Variants in AGPAT5 observed in about 807,000 individuals in gnomAD.
AGPAT5 encodes the protein 1-acyl-sn-glycerol-3-phosphate acyltransferase epsilon.
Under a neutral mutation model 45.6 loss-of-function variants are expected in AGPAT5, and 46 were observed. The ratio of observed to expected loss-of-function variants is 1.01; its 90% CI spans 0.80 to 1.29. The LOEUF (loss-of-function observed/expected upper bound fraction) is 1.29. AGPAT5 is among the 50% of genes most tolerant of loss of function. The pLI is 0.00. For synonymous variants in AGPAT5, 272 were observed against 167.0 expected (o/e 1.63, Z -4.85); for missense variants, 673 against 450.7 (o/e 1.49, Z -4.47).
intron 6 of AGPAT5, among the ~76,000 whole-genome samples, chr8:6,749,373 T>G (rs1801578977): frequency 6.6e-6 from 1 of 152,230 alleles, no homozygotes; most frequent in South Asian, 2.1e-4. Flanking sequence ...GTTCTCATAA[T>G]TGTATATAAC....
At chr8:6,749,437 G>T (rs930798467) in intron 6 of AGPAT5, among the ~76,000 whole-genome samples, 7 of 152,206 alleles carry the variant, frequency 4.6e-5, no homozygotes, top group African/African-American at 1.7e-4. Flanking sequence ...AGATGTAAAT[G>T]TTTAGAATAT....
At chr8:6,723,200 C>T (rs1171231632) in intron 1 of AGPAT5, among the ~76,000 whole-genome samples, 3 of 152,132 alleles carry the variant, frequency 2.0e-5, no homozygotes, top group African/African-American at 4.8e-5. Context: ...TGTTAAAAAC[C>T]AGCTTGGTGC....
chr8:6,727,977 G>A (rs897809491), intron 2 of AGPAT5, among the ~76,000 whole-genome samples: 1 of 152,156 alleles, frequency 6.6e-6, no homozygotes, highest in African/African-American at 2.4e-5. Flanking sequence ...CTCATAGATG[G>A]CATTTAAAAG....
rs2059537 is a variant in AGPAT5 at position 6,711,501 on chromosome 8, T to C, written c.219+2614T>C. 5.9e-3 allele frequency among the ~76,000 whole-genome samples: 899 copies of C among 152,364 alleles called. 13 individuals are homozygous for C. The East Asian group carries it at 0.064, about 11-fold the overall frequency. ...TCTTTAGAATAAGTAATAAGAATTT[T>C]ATAAGCTTTTTTATATTTCACGTAA... On this transcript the variant is annotated intron_variant, in intron 1 of 7. Transcript: ENST00000285518.
At chr8:6,715,659 A>G (rs28665136) in intron 1 of AGPAT5, among the ~76,000 whole-genome samples, 3,311 of 152,256 alleles carry the variant, frequency 0.022, 122 homozygotes, top group African/African-American at 0.075. Context: ...ATGTGGTTAT[A>G]TTGGTTGAAA....
rs142454856 is a variant in AGPAT5, at chr8:6,741,748, C to T, written c.583C>T (p.Arg195Cys). Residue 195 changes from arginine to cysteine, a missense_variant, in exon 5 of 8, where the codon CGT becomes TGT. Arg to Cys is a radical substitution (Grantham distance 180). Transcript: ENST00000285518. ...LSASQAFAAQ[R>C]GLAVLKHVLT... ...AGCTAGTCAGGCATTTGCTGCCCAA[C>T]GTGGTAAGTAAAAATTTGAGTGTTT... 3.5e-5 allele frequency: 56 copies of T among 1,608,800 alleles called. No homozygotes were observed. The highest frequency in any genetic ancestry group is 5.3e-5 in the African/African-American group (4 of 74,830).
intron 6 of AGPAT5, among the ~76,000 whole-genome samples, chr8:6,751,257 G>A (rs1176609800): frequency 1.3e-5 from 2 of 152,142 alleles, no homozygotes; most frequent in Non-Finnish European, 2.9e-5. Context: ...TCTATATATA[G>A]TAGGCTATTT....
chr8:6,731,454 A>G (rs544460394), intron 3 of AGPAT5, among the ~76,000 whole-genome samples: 112 of 152,112 alleles, frequency 7.4e-4, no homozygotes, highest in Non-Finnish European at 1.4e-3. Context: ...ATTACTTATA[A>G]TATCTAATAC....
intron 5 of AGPAT5, among the ~76,000 whole-genome samples, chr8:6,742,541 A>G (rs975895427): frequency 8.5e-5 from 13 of 152,226 alleles, no homozygotes; most frequent in Non-Finnish European, 8.8e-5. Context: ...AGCAGGGCCT[A>G]TGACAGTGCT....
In AGPAT5 at chr8:6,732,584, C is replaced by G; in HGVS notation, c.429C>G (p.Arg143=). The G allele has an allele frequency of 6.2e-7, 1 of 1,610,164 alleles. No individual in the cohort carries two copies. The highest frequency in any genetic ancestry group is 1.3e-5 in the African/African-American group (1 of 74,790). Residue 143 remains arginine (R), a synonymous_variant, in exon 4 of 8, where the codon CGC becomes CGG. Coordinates refer to ENST00000285518, the MANE Select transcript of AGPAT5 (RefSeq NM_018361.5). ...AGCATGGAGGAATCTATGTAAAGCG[C>G]AGTGCCAAATTTAACGAGAAAGAGA... ...FAQHGGIYVK[R]SAKFNEKEMR... is the part of the protein sequence containing the mutation.
At position 6,755,170 on chromosome 8, in the gene AGPAT5, G is replaced by T; in HGVS notation, c.865G>T (p.Asp289Tyr). ...GCTGCATGAACGTTTCGAAATCAAA[G>T]ATAAGTGAGTAACAACAGTTCCAGC... ...RWLHERFEIK[D>Y]KMLIEFYESP... The change falls in exon 7 of 8, where the codon GAT (aspartate) becomes TAT (tyrosine). Residue 289 changes from aspartate (D) to tyrosine (Y), a missense_variant. Transcript: ENST00000285518. 1 of 1,597,242 alleles carries T rather than the reference G, an allele frequency of 6.3e-7. No individual in the cohort carries two copies. Among genetic ancestry groups the T allele is most frequent in the Non-Finnish European group, 8.5e-7 (1 of 1,176,920 alleles).
chr8:6,752,916 T>C (rs1801705172), intron 6 of AGPAT5, among the ~76,000 whole-genome samples: 1 of 152,178 alleles, frequency 6.6e-6, no homozygotes, highest in Non-Finnish European at 1.5e-5. Flanking sequence ...TGTCGCATGC[T>C]CCTCTCATTG....
intron 1 of AGPAT5, among the ~76,000 whole-genome samples, chr8:6,716,749 C>G (rs1800344367): frequency 6.6e-6 from 1 of 152,162 alleles, no homozygotes; most frequent in Non-Finnish European, 1.5e-5. Flanking sequence ...AGGAGAATCA[C>G]TTGAGCCCAG....
At chr8:6,709,941 T>C (rs955794494) in intron 1 of AGPAT5, among the ~76,000 whole-genome samples, 1 of 152,234 alleles carries the variant, frequency 6.6e-6, no homozygotes, top group Non-Finnish European at 1.5e-5. Flanking sequence ...TTCCTGGTAG[T>C]TGACGTTTAA....
At position 6,722,298 on chromosome 8, in the gene AGPAT5, C is replaced by T. The variant is rs563696315; in HGVS notation, c.220-2572C>T. ...CCTGTATCTGCTGTGTCTCAGGTGCCTTCAGCTCAAAATAATCCTTATGCC... is the reference window on the plus strand; with the variant it reads ...CCTGTATCTGCTGTGTCTCAGGTGCTTTCAGCTCAAAATAATCCTTATGCC... On this transcript the variant is annotated intron_variant, in intron 1 of 7. Coordinates refer to ENST00000285518, the MANE Select transcript of AGPAT5 (RefSeq NM_018361.5). 6.6e-5 allele frequency among the ~76,000 whole-genome samples: 10 copies of T among 152,198 alleles called. No individual in the cohort carries two copies. In the East Asian group the frequency reaches 7.7e-4, roughly 12 times the overall value.
At chr8:6,752,510 G>A (rs1587067743) in intron 6 of AGPAT5, among the ~76,000 whole-genome samples, 1 of 152,122 alleles carries the variant, frequency 6.6e-6, no homozygotes, top group Non-Finnish European at 1.5e-5. Flanking sequence ...TTTAACAGCA[G>A]TTATCTCCCC....
intron 1 of AGPAT5, among the ~76,000 whole-genome samples, chr8:6,710,547 A>G (rs1298459829): frequency 2.0e-5 from 3 of 152,362 alleles, no homozygotes; most frequent in African/African-American, 7.2e-5. Context: ...AGTTATGAAC[A>G]TTTAATAAAA....
intron 4 of AGPAT5, among the ~76,000 whole-genome samples, chr8:6,734,331 G>C (rs1397359552): frequency 2.1e-5 from 3 of 145,310 alleles, no homozygotes; most frequent in Non-Finnish European, 3.0e-5. Context: ...AATTTCTGTT[G>C]ACCCACCTTT....
intron 2 of AGPAT5, among the ~76,000 whole-genome samples, chr8:6,726,788 C>G (rs1368455986): frequency 6.6e-6 from 1 of 152,148 alleles, no homozygotes; most frequent in Non-Finnish European, 1.5e-5. Flanking sequence ...GTGCCTGTGA[C>G]TTTGTATCAC....
Sources: gnomAD v4.1 joint callset for allele counts (sites outside exome capture counted in the v4.1 genomes callset) on GRCh38, gnomAD v4.1.1 for gene constraint, MANE v1.5 for transcripts, NCBI Gene and HGNC (gene_info 2026-07-23, HGNC 2026-07-21) for gene names.